The following CLNK variants were observed in gnomAD, a reference collection of about 807,000 sequenced individuals.
CLNK encodes the protein cytokine dependent hematopoietic cell linker.
CLNK carries 74 observed loss-of-function variants against 68.6 expected under a neutral mutation model. The observed-to-expected ratio is 1.08, with a 90% CI of 0.89 to 1.31. The LOEUF is 1.31. Among genes scored for constraint, CLNK ranks in the 50% most tolerant of loss-of-function variants. The probability of loss-of-function intolerance (pLI) is 0.00; values close to 1 mark genes in which losing one functional copy is unlikely to be tolerated. For synonymous variants in CLNK, 198 were observed against 172.2 expected, an observed-to-expected ratio of 1.15 and a Z score of -1.17; for missense variants, 553 against 515.3, an observed-to-expected ratio of 1.07 and a Z score of -0.71.
the CLNK span, among the ~76,000 whole-genome samples, chr4:10,698,923 C>CT: frequency 6.6e-6 from 1 of 152,130 alleles, no homozygotes; most frequent in Non-Finnish European, 1.5e-5. Context: ...GGAGGGAACT[C>CT]TTTTTGTCAT....
At position 10,488,687 on chromosome 4, in the gene CLNK, C is replaced by T. The variant is rs1385244469; in HGVS notation, c.*1780G>A. 6.6e-6 allele frequency: 1 copy of T among 152,210 alleles called. No homozygotes were observed. Among genetic ancestry groups the T allele is most frequent in the African/African-American group, 2.4e-5 (1 of 41,456 alleles). The allele number at this position is 152,210 out of a possible 1,614,324, so 9.4% of individuals were successfully genotyped here. ...AAATGCTCCTGATGTAACTTATAGG[C>T]ATCACTTCACATTGACCTTGTGAAA... is the stretch of plus-strand genomic sequence containing the variant. On this transcript the variant is annotated 3_prime_UTR_variant, in exon 19 of 19. Coordinates refer to ENST00000226951, the MANE Select transcript of CLNK (RefSeq NM_052964.4).
At chr4:10,638,785 T>G (rs1723193599) in intron 2 of CLNK, among the ~76,000 whole-genome samples, 1 of 152,222 alleles carries the variant, frequency 6.6e-6, no homozygotes, top group African/African-American at 2.4e-5. Flanking sequence ...ATTTATTATC[T>G]CATGATTCTG....
At chr4:10,546,941 G>A (rs1024802154) in intron 8 of CLNK, among the ~76,000 whole-genome samples, 20 of 152,180 alleles carry the variant, frequency 1.3e-4, no homozygotes, top group African/African-American at 3.6e-4. Flanking sequence ...ATGGTAAGGC[G>A]ACTGAGTATG....
chr4:10,604,545 G>A (rs968631882), intron 2 of CLNK, among the ~76,000 whole-genome samples: 1 of 151,014 alleles, frequency 6.6e-6, no homozygotes, highest in Admixed American at 6.6e-5. Context: ...GCCCATCCTG[G>A]AAAAAGTAAA....
At chr4:10,722,024 A>G in the CLNK span, among the ~76,000 whole-genome samples, 2 of 152,138 alleles carry the variant, frequency 1.3e-5, no homozygotes, top group African/African-American at 4.8e-5. Context: ...AAAAAATACA[A>G]TTAGCCAGGC....
chr4:10,576,188 C>A (rs1720557581), intron 4 of CLNK, among the ~76,000 whole-genome samples: 1 of 152,212 alleles, frequency 6.6e-6, no homozygotes, highest in South Asian at 2.1e-4. Context: ...GAGCTTTACA[C>A]TTCCCCTCAT....
chr4:10,572,747 AT>A (rs1720399313), intron 4 of CLNK, among the ~76,000 whole-genome samples: 2 of 152,162 alleles, frequency 1.3e-5, no homozygotes, highest in African/African-American at 4.8e-5. Context: ...TCATCTAAGT[AT>A]TGTGGAGGAC....
rs1284156799 is a variant in CLNK, at chr4:10,602,648, C to A, written c.12-4599G>T. The stretch of plus-strand genomic sequence containing the variant: ...ACTCCAGAACGGTGAGAGTAAATCT[C>A]TGTTGTATTCAGCCAGTACGTTTAC... On this transcript the variant is annotated intron_variant, in intron 2 of 18. Coordinates refer to ENST00000226951, the MANE Select transcript of CLNK (RefSeq NM_052964.4). Among the ~76,000 whole-genome samples the A allele has an allele frequency of 3.9e-5, 6 of 152,298 alleles. No homozygotes were observed. The South Asian group carries it at 1.0e-3, about 26-fold the overall frequency.
intron 5 of CLNK, among the ~76,000 whole-genome samples, chr4:10,567,133 A>G (rs926025748): frequency 3.0e-4 from 3 of 10,076 alleles, no homozygotes; most frequent in South Asian, 5.2e-3. Flanking sequence ...AATCTTGGGA[A>G]AAAAAAAAAA....
At chr4:10,662,768 G>T (rs983390163) in intron 2 of CLNK, among the ~76,000 whole-genome samples, 5 of 152,110 alleles carry the variant, frequency 3.3e-5, no homozygotes, top group Non-Finnish European at 5.9e-5. Flanking sequence ...TAAGACAACT[G>T]TAGCAAGTTA....
chr4:10,580,918 G>C (rs1720755968), intron 4 of CLNK, among the ~76,000 whole-genome samples: 1 of 152,176 alleles, frequency 6.6e-6, no homozygotes, highest in South Asian at 2.1e-4. Context: ...TTACGGTGAT[G>C]ATCAAGCCTT....
At chr4:10,621,132 C>G (rs1722436940) in intron 2 of CLNK, among the ~76,000 whole-genome samples, 1 of 152,070 alleles carries the variant, frequency 6.6e-6, no homozygotes, top group African/African-American at 2.4e-5. Context: ...AGCCCTACCT[C>G]AGTACCTCAG....
the CLNK span, among the ~76,000 whole-genome samples, chr4:10,695,241 A>G: frequency 6.6e-6 from 1 of 152,222 alleles, no homozygotes; most frequent in African/African-American, 2.4e-5. Context: ...AATTTGCATG[A>G]TTTAATCATT....
chr4:10,523,492 T>C lies in CLNK; in HGVS notation c.731+2349A>G, dbSNP rs144728342. On this transcript the variant is annotated intron_variant, in intron 14 of 18. Coordinates refer to ENST00000226951, the MANE Select transcript of CLNK (RefSeq NM_052964.4). The stretch of plus-strand genomic sequence containing the variant: ...GAGACCTTGGATGAACTCTGACGAA[T>C]ACCAACATTTGGAGGTCAGTTTGGG... Among the ~76,000 whole-genome samples the C allele has an allele frequency of 1.4e-3, 218 of 152,232 alleles. 1 individual carries two copies. Among genetic ancestry groups the C allele is most frequent in the Middle Eastern group, 3.4e-3 (1 of 294 alleles).
At chr4:10,513,714 G>T in intron 15 of CLNK, 117 bp from the exon 16 acceptor site, 1 of 950,696 alleles carries the variant, frequency 1.1e-6, no homozygotes, top group Non-Finnish European at 1.5e-6. Flanking sequence ...GACCTTCTTG[G>T]TCAACACCAT....
chr4:10,686,248 A>G (rs922707980), upstream of CLNK, among the ~76,000 whole-genome samples: 1 of 152,154 alleles, frequency 6.6e-6, no homozygotes, highest in Non-Finnish European at 1.5e-5. Context: ...GTCACAGTGA[A>G]TGATGGCTCA....
chr4:10,610,877 T>C (rs1438585224), intron 2 of CLNK, among the ~76,000 whole-genome samples: 3 of 151,354 alleles, frequency 2.0e-5, no homozygotes, highest in Admixed American at 1.3e-4. Context: ...ACCCCATAAA[T>C]AGCCTGAGTA....
intron 16 of CLNK, among the ~76,000 whole-genome samples, chr4:10,508,408 A>G (rs542736743): frequency 6.6e-6 from 1 of 152,188 alleles, no homozygotes; most frequent in African/African-American, 2.4e-5. Flanking sequence ...CCCTAGTCAC[A>G]TGCAAACAGC....
intron 17 of CLNK, among the ~76,000 whole-genome samples, chr4:10,505,073 C>T (rs945620412): frequency 2.0e-5 from 3 of 152,174 alleles, no homozygotes; most frequent in Admixed American, 6.5e-5. Flanking sequence ...AAGAGTAGTT[C>T]TTCCGACGGA....
Sources: allele counts gnomAD v4.1 joint callset (sites outside exome capture counted in the v4.1 genomes callset), GRCh38; gene constraint gnomAD v4.1.1; transcripts MANE v1.5; gene names NCBI Gene and HGNC (gene_info 2026-07-23, HGNC 2026-07-21).